Variants in SPAG16 observed in about 807,000 individuals in gnomAD.
The protein encoded by SPAG16 is sperm-associated antigen 16 protein.
In SPAG16, 86 loss-of-function variants were observed where a neutral mutation model predicts 80.4. That is an observed-to-expected ratio of 1.07 (90% CI 0.90 to 1.28). The LOEUF (loss-of-function observed/expected upper bound fraction) is 1.28. Among genes scored for constraint, SPAG16 ranks in the 50% most tolerant of loss-of-function variants. SPAG16 has a pLI of 0.00. For synonymous variants in SPAG16, 294 were observed against 265.9 expected (o/e 1.11, Z -1.03); for missense variants, 870 against 765.3 (o/e 1.14, Z -1.61).
intron 15 of SPAG16, among the ~76,000 whole-genome samples, chr2:214,231,476 T>G (rs1688698633): frequency 6.6e-6 from 1 of 151,978 alleles, no homozygotes; most frequent in Non-Finnish European, 1.5e-5. Flanking sequence ...AAATAATACT[T>G]ATAAGTTTAT....
intron 10 of SPAG16, among the ~76,000 whole-genome samples, chr2:213,729,698 T>G (rs549630233): frequency 1.0e-3 from 159 of 152,366 alleles, no homozygotes; most frequent in Non-Finnish European, 1.9e-3. Context: ...TAGGGACAAC[T>G]GTGCTGATGT....
chr2:214,078,247 G>T (rs2051183052), intron 13 of SPAG16, among the ~76,000 whole-genome samples: 1 of 152,046 alleles, frequency 6.6e-6, no homozygotes. Context: ...AAGATTAAAA[G>T]TATAGTCATC....
chr2:214,158,011 C>T (rs981076486), intron 15 of SPAG16, among the ~76,000 whole-genome samples: 1 of 67,174 alleles, frequency 1.5e-5, no homozygotes, highest in Admixed American at 1.6e-4. Context: ...CAGAAAAGGA[C>T]ATTTGAATCA....
Position 214,162,040 on chromosome 2 carries a change from G to A in SPAG16, c.1720+12774G>A, listed in dbSNP as rs530760741. ...CTTTTACATTTTAGGTCTTTAATCC[G>A]AGGTGCAAGGGAGTGTTATCAGTCC... On this transcript the variant is annotated intron_variant, in intron 15 of 15. Coordinates refer to ENST00000331683, the MANE Select transcript of SPAG16 (RefSeq NM_024532.5). Among the ~76,000 whole-genome samples the A allele has an allele frequency of 7.9e-5, 12 of 151,920 alleles. No individual in the cohort carries two copies. The South Asian group carries it at 1.9e-3, about 24-fold the overall frequency.
chr2:213,437,925 C>T (rs976002598), intron 9 of SPAG16, among the ~76,000 whole-genome samples: 1 of 152,108 alleles, frequency 6.6e-6, no homozygotes, highest in East Asian at 1.9e-4. Context: ...CATCTCAAAC[C>T]AAGTCAAAAC....
chr2:214,041,226 GT>G (rs1410189863), intron 13 of SPAG16, among the ~76,000 whole-genome samples: 1 of 150,858 alleles, frequency 6.6e-6, no homozygotes, highest in Non-Finnish European at 1.5e-5. Flanking sequence ...GTTTTGCTTT[GT>G]TTTTGCTCCA....
intron 10 of SPAG16, among the ~76,000 whole-genome samples, chr2:213,575,604 CA>C (rs1332738557): frequency 3.3e-5 from 5 of 152,104 alleles, no homozygotes; most frequent in Admixed American, 2.6e-4. Context: ...TTAATAAAGA[CA>C]TTGAATATTA....
At chr2:214,051,742 T>C (rs2049654758) in intron 13 of SPAG16, among the ~76,000 whole-genome samples, 1 of 152,202 alleles carries the variant, frequency 6.6e-6, no homozygotes, top group African/African-American at 2.4e-5. Flanking sequence ...GACATACCCA[T>C]GAGAAATCTG....
chr2:213,386,525 C>T (rs1334430439), intron 9 of SPAG16, among the ~76,000 whole-genome samples: 1 of 152,132 alleles, frequency 6.6e-6, no homozygotes, highest in Non-Finnish European at 1.5e-5. Flanking sequence ...GATAACTTTC[C>T]CTAAAACATG....
intron 15 of SPAG16, among the ~76,000 whole-genome samples, chr2:214,222,132 T>G (rs970457223): frequency 6.8e-6 from 1 of 146,532 alleles, no homozygotes; most frequent in Admixed American, 6.8e-5. Flanking sequence ...TTTTTTTTTT[T>G]TGAAACAGAG....
At chr2:214,295,169 C>G (rs1011947347) in intron 15 of SPAG16, among the ~76,000 whole-genome samples, 6 of 152,154 alleles carry the variant, frequency 3.9e-5, no homozygotes, top group African/African-American at 1.4e-4. Context: ...AATCTCTGCT[C>G]TCATCACCAT....
At position 213,493,306 on chromosome 2, in the gene SPAG16, A is replaced by G. The variant is rs543095515; in HGVS notation, c.1070+3216A>G. On this transcript the variant is annotated intron_variant, in intron 10 of 15. Coordinates refer to ENST00000331683, the MANE Select transcript of SPAG16 (RefSeq NM_024532.5). ...CCTCTGGAGAAACAGATTTATCAAA[A>G]TGTGTTTTTATAATGTTTTTCTAAC... 6.6e-5 allele frequency among the ~76,000 whole-genome samples: 10 copies of G among 152,302 alleles called. No homozygotes were observed. In the East Asian group the frequency reaches 1.7e-3, roughly 26 times the overall value.
At chr2:214,148,934 G>T (rs1315382012) in intron 14 of SPAG16, among the ~76,000 whole-genome samples, 1 of 151,412 alleles carries the variant, frequency 6.6e-6, no homozygotes, top group Non-Finnish European at 1.5e-5. Flanking sequence ...CCAAAATAAA[G>T]TTATTAACAA....
At chr2:214,033,200 T>C (rs1366890033) in intron 13 of SPAG16, among the ~76,000 whole-genome samples, 2 of 152,222 alleles carry the variant, frequency 1.3e-5, no homozygotes, top group Admixed American at 1.3e-4. Context: ...CACTTATTTT[T>C]CCCCAAGATT....
At chr2:214,026,838 A>G (rs910760984) in intron 13 of SPAG16, among the ~76,000 whole-genome samples, 1 of 151,546 alleles carries the variant, frequency 6.6e-6, no homozygotes, top group South Asian at 2.1e-4. Flanking sequence ...TGTACTATAC[A>G]ATATAAAATC....
chr2:213,546,067 A>T (rs1354479262), intron 10 of SPAG16, among the ~76,000 whole-genome samples: 2 of 152,092 alleles, frequency 1.3e-5, no homozygotes, highest in Non-Finnish European at 2.9e-5. Context: ...TTGAATTTTT[A>T]AAAATAATAT....
At chr2:213,404,342 A>G (rs1388670830) in intron 9 of SPAG16, among the ~76,000 whole-genome samples, 1 of 152,228 alleles carries the variant, frequency 6.6e-6, no homozygotes, top group East Asian at 1.9e-4. Context: ...ACAGCATGGT[A>G]CTGGTACCAA....
intron 12 of SPAG16, among the ~76,000 whole-genome samples, chr2:213,974,407 T>G (rs2045248646): frequency 6.6e-6 from 1 of 152,042 alleles, no homozygotes; most frequent in Non-Finnish European, 1.5e-5. Context: ...ATAAAAGATT[T>G]GCTTATTTTA....
At chr2:214,141,001 G>T (rs947169511) in intron 14 of SPAG16, among the ~76,000 whole-genome samples, 37 of 150,366 alleles carry the variant, frequency 2.5e-4, no homozygotes, top group Admixed American at 1.2e-3. Context: ...TATTGGTATT[G>T]CCATAACAAT....
Sources: gnomAD v4.1 joint callset for allele counts (sites outside exome capture counted in the v4.1 genomes callset) on GRCh38, gnomAD v4.1.1 for gene constraint, MANE v1.5 for transcripts, NCBI Gene and HGNC (gene_info 2026-07-23, HGNC 2026-07-21) for gene names.